Variants in OTOGL observed in about 807,000 individuals in gnomAD.
OTOGL encodes the protein otogelin like, also known as otogelin-like protein.
A neutral mutation model predicts 318.5 loss-of-function variants in OTOGL; 285 were observed. That is an observed-to-expected ratio of 0.89 (90% CI 0.81 to 0.99). OTOGL has a LOEUF of 0.99. OTOGL is among the 50% of genes least tolerant of loss of function. The pLI, the probability that OTOGL is intolerant of heterozygous loss-of-function variation, is 0.00. For missense variants in OTOGL, 2,899 were observed against 2,845.6 expected, an observed-to-expected ratio of 1.02 and a Z score of -0.43; for synonymous variants, 987 against 936.5, an observed-to-expected ratio of 1.05 and a Z score of -0.99.
intron 42 of OTOGL, 35 bp downstream of exon 42, chr12:80,337,039 A>G: frequency 1.4e-6 from 2 of 1,423,954 alleles, no homozygotes; most frequent in Non-Finnish European, 1.9e-6. Flanking sequence ...TTCTCACATT[A>G]GATGAAAATA....
intron 38 of OTOGL, among the ~76,000 whole-genome samples, chr12:80,335,620 A>G (rs1356623155): frequency 6.6e-6 from 1 of 152,134 alleles, no homozygotes; most frequent in Non-Finnish European, 1.5e-5. Flanking sequence ...ATATTGATAT[A>G]CTAGCTTTGC....
At chr12:80,298,588 G>A (rs188938566) in intron 27 of OTOGL, among the ~76,000 whole-genome samples, 2 of 152,304 alleles carry the variant, frequency 1.3e-5, no homozygotes, top group Admixed American at 1.3e-4. Context: ...AGTCTTAAAG[G>A]ATGAGTAGGC....
At chr12:80,307,922 G>A (rs1316038478) in intron 29 of OTOGL, among the ~76,000 whole-genome samples, 16 of 118,834 alleles carry the variant, frequency 1.3e-4, no homozygotes, top group Admixed American at 3.2e-4. Flanking sequence ...GGCGGGGGCT[G>A]ACCCCCCCAC....
chr12:80,309,028 C>G (rs1886452691), intron 29 of OTOGL, among the ~76,000 whole-genome samples: 2 of 152,000 alleles, frequency 1.3e-5, no homozygotes, highest in African/African-American at 2.4e-5. Context: ...GTAACTATTT[C>G]TAATGGTACT....
At chr12:80,261,903 A>G (rs561635915) in intron 18 of OTOGL, 66 bp from the exon 19 acceptor site, 2 of 1,517,374 alleles carry the variant, frequency 1.3e-6, no homozygotes, top group South Asian at 2.6e-5. Context: ...TCTTATTTAA[A>G]TATCTGAAGG....
intron 29 of OTOGL, among the ~76,000 whole-genome samples, chr12:80,308,904 C>G (rs1045085144): frequency 1.3e-5 from 2 of 152,008 alleles, no homozygotes; most frequent in South Asian, 2.1e-4. Context: ...TGCAGTGAGC[C>G]GAGATGGCAG....
chr12:80,329,484 A>G (rs1271670084), intron 37 of OTOGL, among the ~76,000 whole-genome samples: 1 of 152,126 alleles, frequency 6.6e-6, no homozygotes, highest in Admixed American at 6.5e-5. Flanking sequence ...CCTAAATTCT[A>G]CTTTTAGGTT....
intron 52 of OTOGL, 114 bp downstream of exon 52, chr12:80,359,014 T>A: frequency 1.1e-6 from 1 of 877,360 alleles, no homozygotes; most frequent in Non-Finnish European, 1.7e-6. Flanking sequence ...CCACATTAAA[T>A]TGTACTAAAG....
At chr12:80,220,088 C>A in intron 6 of OTOGL, among the ~76,000 whole-genome samples, 176 bp downstream of exon 6, 1 of 151,396 alleles carries the variant, frequency 6.6e-6, no homozygotes, top group African/African-American at 2.4e-5. Context: ...TAGATAGGGC[C>A]ACTTTCCCTT....
chr12:80,249,717 T>C (rs976335501), intron 11 of OTOGL, among the ~76,000 whole-genome samples: 1 of 152,170 alleles, frequency 6.6e-6, no homozygotes, highest in Non-Finnish European at 1.5e-5. Flanking sequence ...CCGGCTGCTT[T>C]GTTTACCTAA....
intron 6 of OTOGL, among the ~76,000 whole-genome samples, chr12:80,221,289 C>T (rs1878307190): frequency 1.5e-5 from 2 of 134,654 alleles, no homozygotes; most frequent in South Asian, 4.7e-4. Context: ...TTTTTGGAGA[C>T]AGAGTCTTAC....
chr12:80,138,194 C>T (rs1429405914), intron 1 of OTOGL, among the ~76,000 whole-genome samples: 2 of 151,922 alleles, frequency 1.3e-5, no homozygotes, highest in African/African-American at 4.8e-5. Context: ...TAAATCTTTC[C>T]TTAGGGCAAA....
In OTOGL at chr12:80,323,642, G is replaced by A. The variant is rs1887489617; in HGVS notation, c.4082-81G>A. 4 of 1,086,932 alleles carry A rather than the reference G, an allele frequency of 3.7e-6. No individual in the cohort carries two copies. The Admixed American group carries it at 8.1e-5, about 22-fold the overall frequency. 67.3% of individuals were successfully genotyped at this position (1,086,932 alleles called of 1,614,324 possible). A position where few individuals can be genotyped will look rare whatever the true frequency, so the allele number is the denominator to read the frequency against. On this transcript the variant is annotated intron_variant, in intron 34 of 58. Transcript: ENST00000547103. ...CGAGCCTGAGTGACAGAGCGAGACT[G>A]TCTCAAGAAAGAAAAGGGAATTGTT...
chr12:80,256,785 AGAGGGGTG>A (rs1247799758), intron 17 of OTOGL, among the ~76,000 whole-genome samples: 8 of 152,180 alleles, frequency 5.3e-5, no homozygotes, highest in Admixed American at 5.2e-4. Context: ...TCAGCTCTGG[AGAGGGGTG>A]TACTGAAATG....
chr12:80,162,919 T>G (rs1174124745), intron 1 of OTOGL, among the ~76,000 whole-genome samples: 1 of 151,946 alleles, frequency 6.6e-6, no homozygotes, highest in Non-Finnish European at 1.5e-5. Flanking sequence ...GGGATGGAAC[T>G]CCTGGATGAT....
intron 1 of OTOGL, among the ~76,000 whole-genome samples, chr12:80,160,475 G>C (rs1216834964): frequency 1.3e-5 from 2 of 152,014 alleles, no homozygotes; most frequent in Non-Finnish European, 2.9e-5. Context: ...ACAAACATAT[G>C]AAAAAATGCT....
In OTOGL at chr12:80,124,330, C is replaced by T. The variant is rs573042291; in HGVS notation, c.-20+24725C>T. 4.6e-5 allele frequency among the ~76,000 whole-genome samples: 7 copies of T among 152,226 alleles called. No individual in the cohort carries two copies. The South Asian group carries it at 6.2e-4, about 14-fold the overall frequency. On this transcript the variant is annotated intron_variant, in intron 1 of 58. Transcript: ENST00000547103. ...CATTGCTTGTTTTTGTGAGGTTTGT[C>T]GAAGATCAGATAGTTGTAGATATGC...
At chr12:80,276,571 C>T (rs1489374843) in intron 24 of OTOGL, among the ~76,000 whole-genome samples, 3 of 151,464 alleles carry the variant, frequency 2.0e-5, no homozygotes, top group South Asian at 2.1e-4. Context: ...AAGATTGCAT[C>T]GAATTGAGTT....
At chr12:80,310,849 T>A in intron 30 of OTOGL, 122 bp downstream of exon 30, 13 of 679,506 alleles carry the variant, frequency 1.9e-5, no homozygotes, top group Middle Eastern at 2.8e-4. Flanking sequence ...ACCTAACTAT[T>A]GTTAGGGGGG....
Sources: allele counts gnomAD v4.1 joint callset (sites outside exome capture counted in the v4.1 genomes callset), GRCh38; gene constraint gnomAD v4.1.1; transcripts MANE v1.5; gene names NCBI Gene and HGNC (gene_info 2026-07-23, HGNC 2026-07-21).